The following UNCX variants were observed in gnomAD, a reference collection of about 807,000 sequenced individuals.
UNCX encodes the protein homeobox protein unc-4 homolog.
UNCX carries 4 observed loss-of-function variants against 14.8 expected under a neutral mutation model. That is an observed-to-expected ratio of 0.27 (90% CI 0.13 to 0.62). The LOEUF (loss-of-function observed/expected upper bound fraction) is 0.62, where lower values mean the gene tolerates loss of function less well. Among genes scored for constraint, UNCX ranks in the 20% least tolerant of loss-of-function variants. The pLI is 0.86. For missense variants in UNCX, 749 were observed against 786.8 expected (o/e 0.95, Z 0.58); for synonymous variants, 459 against 395.8 (o/e 1.16, Z -1.90).
chr7:1,233,206 C>A lies in UNCX; in HGVS notation c.189C>A (p.Ala63=). Residue 63 remains alanine, a synonymous_variant, in exon 1 of 3, where the codon GCC becomes GCA. Coordinates refer to ENST00000316333, the MANE Select transcript of UNCX (RefSeq NM_001080461.3). This position sits in a 1 kb window ranked among gnomAD's most constrained non-coding sequence, Gnocchi z 5.3. ...SIDGLLGGSC[A]AAASVVNPTP... Reference sequence around the variant, plus strand: ...ACGGCCTGCTCGGGGGCTCGTGCGCCGCCGCCGCCTCGGTGGTCAACCCCA... The same window carrying A: ...ACGGCCTGCTCGGGGGCTCGTGCGCAGCCGCCGCCTCGGTGGTCAACCCCA... 1 of 1,444,748 alleles carries A rather than the reference C, an allele frequency of 6.9e-7. No individual in the cohort carries two copies. Among genetic ancestry groups the A allele is most frequent in the Non-Finnish European group, 9.1e-7 (1 of 1,101,406 alleles). The allele number at this position is 1,444,748 out of a possible 1,614,324, so 89.5% of individuals were successfully genotyped here.
chr7:1,235,050 G>A (rs766355185), intron 2 of UNCX, among the ~76,000 whole-genome samples: 3 of 152,216 alleles, frequency 2.0e-5, no homozygotes, highest in Non-Finnish European at 2.9e-5. Context: ...TGGCTCCCCA[G>A]GACAAGGACT....
chr7:1,236,289 CG>C lies in UNCX; in HGVS notation c.910del (p.Asp304ThrfsTer69). The C allele has an allele frequency of 7.3e-7, 1 of 1,371,784 alleles. No homozygotes were observed. Among genetic ancestry groups the C allele is most frequent in the Non-Finnish European group, 9.5e-7 (1 of 1,057,040 alleles). The allele number at this position is 1,371,784 out of a possible 1,614,324, so 85.0% of individuals were successfully genotyped here. A position where few individuals can be genotyped will look rare whatever the true frequency, so the allele number is the denominator to read the frequency against. On this transcript the variant is annotated frameshift_variant, in exon 3 of 3. Coordinates refer to ENST00000316333, the MANE Select transcript of UNCX (RefSeq NM_001080461.3). LOFTEE classifies it low-confidence loss of function (END_TRUNC). The surrounding 1 kb of genome is among the most constrained non-coding windows in gnomAD (Gnocchi z 6.9). Reference sequence around the variant, plus strand: ...CCACAGCCGCGCCCAGGTCGCCCTGCGGACAAGGACGCGGCCTCGTGCGGGC... The same window carrying C: ...CCACAGCCGCGCCCAGGTCGCCCTGCGACAAGGACGCGGCCTCGTGCGGGC... ...AGPQPRPGRP[A>X]DKDAASCGPG...
At position 1,236,582 on chromosome 7, in the gene UNCX, G is replaced by T; in HGVS notation, c.1201G>T (p.Gly401Cys). The T allele has an allele frequency of 2.4e-6, 3 of 1,227,616 alleles. No homozygotes were observed. The highest frequency in any genetic ancestry group is 2.0e-6 in the Non-Finnish European group (2 of 979,804). 76.0% of individuals were successfully genotyped at this position (1,227,616 alleles called of 1,614,324 possible). The change falls in exon 3 of 3, where the codon GGC (glycine) becomes TGC (cysteine). Residue 401 changes from glycine (G) to cysteine (C), a missense_variant. Physicochemically the swap from Gly to Cys is radical, Grantham distance 159 (BLOSUM62 -3). Around this residue, in one of 3 missense-constraint regions of UNCX, gnomAD observed 552 missense variants for 507.2 expected, o/e 1.09. Coordinates refer to ENST00000316333, the MANE Select transcript of UNCX (RefSeq NM_001080461.3). This position sits in a 1 kb window ranked among gnomAD's most constrained non-coding sequence, Gnocchi z 6.9. ...VPQAALKGGA[G>C]LEPAPKDAPP... ...GCAGGCCGCGCTCAAGGGCGGCGCGGGCCTGGAGCCGGCGCCCAAGGACGC... is the reference window on the plus strand; with the variant it reads ...GCAGGCCGCGCTCAAGGGCGGCGCGTGCCTGGAGCCGGCGCCCAAGGACGC...
rs1251384114 is a variant in UNCX, at chr7:1,233,010, C to G, written c.-8C>G. ...CCCGCCACCGGCCCCGCCGGCCCCCCGCGCGAGATGATGGACGGCCGCCTC... is the reference window on the plus strand; with the variant it reads ...CCCGCCACCGGCCCCGCCGGCCCCCGGCGCGAGATGATGGACGGCCGCCTC... On this transcript the variant is annotated 5_prime_UTR_variant, in exon 1 of 3. Coordinates refer to ENST00000316333, the MANE Select transcript of UNCX (RefSeq NM_001080461.3). The surrounding 1 kb of genome is among the most constrained non-coding windows in gnomAD (Gnocchi z 5.3). 2 of 1,217,586 alleles carry G rather than the reference C, an allele frequency of 1.6e-6. No homozygotes were observed. Among genetic ancestry groups the G allele is most frequent in the Non-Finnish European group, 2.0e-6 (2 of 977,064 alleles). 75.4% of individuals were successfully genotyped at this position (1,217,586 alleles called of 1,614,324 possible). A position where few individuals can be genotyped will look rare whatever the true frequency, so the allele number is the denominator to read the frequency against.
In UNCX at chr7:1,235,928, A is replaced by G; in HGVS notation, c.547A>G (p.Ser183Gly). Residue 183 changes from serine to glycine, a missense_variant, in exon 3 of 3, where the codon AGC becomes GGC. By Grantham distance (56) the Ser-to-Gly change is moderately conservative. This residue lies in a region of UNCX where 42 missense variants were observed against 112.9 expected (regional missense o/e 0.37). Coordinates refer to ENST00000316333, the MANE Select transcript of UNCX (RefSeq NM_001080461.3). Reference protein sequence around the residue: ...PAHNSHPTTCSGEPMDPEEIA... With the variant: ...PAHNSHPTTCGGEPMDPEEIA... ...GCACAACTCGCACCCGACCACGTGC[A>G]GCGGCGAGCCCATGGACCCGGAGGA... 1.2e-6 allele frequency: 2 copies of G among 1,612,676 alleles called. No homozygotes were observed. Among genetic ancestry groups the G allele is most frequent in the Non-Finnish European group, 1.7e-6 (2 of 1,179,730 alleles).
At position 1,236,443 on chromosome 7, in the gene UNCX, C is replaced by T. The variant is rs1397030614; in HGVS notation, c.1062C>T (p.Ala354=). 2.2e-6 allele frequency: 3 copies of T among 1,367,220 alleles called. No individual in the cohort carries two copies. Among genetic ancestry groups the T allele is most frequent in the East Asian group, 3.5e-5 (1 of 28,822 alleles). The allele number at this position is 1,367,220 out of a possible 1,614,324, so 84.7% of individuals were successfully genotyped here. ...RRKAASNAAA[A]AAAGLDFAPG... ...AAGCCGCTTCCAACGCCGCCGCCGC[C>T]GCCGCCGCGGGGCTGGACTTCGCGC... is the stretch of plus-strand genomic sequence containing the variant. The change falls in exon 3 of 3, where the codon GCC becomes GCT. Residue 354 remains alanine (A), a synonymous_variant. Transcript: ENST00000316333. This position sits in a 1 kb window ranked among gnomAD's most constrained non-coding sequence, Gnocchi z 6.9.
In UNCX at chr7:1,236,930, G is replaced by A; in HGVS notation, c.1549G>A (p.Ala517Thr). The change falls in exon 3 of 3, where the codon GCG becomes ACG. Residue 517 changes from alanine to threonine, a missense_variant. By Grantham distance (58) the Ala-to-Thr change is moderately conservative. Coordinates refer to ENST00000316333, the MANE Select transcript of UNCX (RefSeq NM_001080461.3). The surrounding 1 kb of genome is among the most constrained non-coding windows in gnomAD (Gnocchi z 6.9). ...ATCGVPEPGA[A>T]AGPSPPEGEE... is the part of the protein sequence containing the mutation. ...CTGCGGGGTTCCCGAGCCTGGCGCG[G>A]CGGCCGGACCCAGCCCGCCGGAGGG... is the stretch of plus-strand genomic sequence containing the variant. The A allele has an allele frequency of 8.4e-7, 1 of 1,193,582 alleles. No individual in the cohort carries two copies. The highest frequency in any genetic ancestry group is 1.0e-6 in the Non-Finnish European group (1 of 963,150). The allele number at this position is 1,193,582 out of a possible 1,614,324, so 73.9% of individuals were successfully genotyped here.
rs1269198981 is a variant in UNCX at position 1,233,465 on chromosome 7, G to C, written c.275-55G>C. 8.1e-6 allele frequency: 12 copies of C among 1,473,696 alleles called. No individual in the cohort carries two copies. Among genetic ancestry groups the C allele is most frequent in the Non-Finnish European group, 9.9e-6 (11 of 1,114,470 alleles). 91.3% of individuals were successfully genotyped at this position (1,473,696 alleles called of 1,614,324 possible). On this transcript the variant is annotated intron_variant, in intron 1 of 2. Coordinates refer to ENST00000316333, the MANE Select transcript of UNCX (RefSeq NM_001080461.3). The surrounding 1 kb of genome is among the most constrained non-coding windows in gnomAD (Gnocchi z 5.3). ...CAGCGGGTAGCGGGAGGGAGGGGTGGGGGTCGGGCCTGGGCCGGTGGCTGA... is the reference window on the plus strand; with the variant it reads ...CAGCGGGTAGCGGGAGGGAGGGGTGCGGGTCGGGCCTGGGCCGGTGGCTGA...
chr7:1,233,754 G>C lies in UNCX; in HGVS notation c.450+59G>C. On this transcript the variant is annotated intron_variant, in intron 2 of 2. Transcript: ENST00000316333. This position sits in a 1 kb window ranked among gnomAD's most constrained non-coding sequence, Gnocchi z 5.3. ...CCGGACCCCAGGCTCTGGGCGCGCCGGGACGCCTTTGTTCCAGGTGGCGAG... is the reference window on the plus strand; with the variant it reads ...CCGGACCCCAGGCTCTGGGCGCGCCCGGACGCCTTTGTTCCAGGTGGCGAG... The C allele has an allele frequency of 6.5e-7, 1 of 1,545,884 alleles. No individual in the cohort carries two copies. Among genetic ancestry groups the C allele is most frequent in the Non-Finnish European group, 8.7e-7 (1 of 1,143,548 alleles).
In UNCX at chr7:1,233,424, C is replaced by CCA. The variant is rs1554251748; in HGVS notation, c.275-95_275-94insAC. 17 of 1,382,848 alleles carry CCA rather than the reference C, an allele frequency of 1.2e-5. No individual in the cohort carries two copies. Among genetic ancestry groups the CCA allele is most frequent in the Non-Finnish European group, 1.4e-5 (15 of 1,072,304 alleles). 85.7% of individuals were successfully genotyped at this position (1,382,848 alleles called of 1,614,324 possible). ...AGGCGGCCGTCTCTGCGCCCCCCCC[C>CCA]CCGGATCCAGGCGGCCAGCGGGTAG... On this transcript the variant is annotated intron_variant, in intron 1 of 2. Transcript: ENST00000316333. The surrounding 1 kb of genome is among the most constrained non-coding windows in gnomAD (Gnocchi z 5.3).
Position 1,233,340 on chromosome 7 carries a change from G to T in UNCX, c.274+49G>T. On this transcript the variant is annotated intron_variant, in intron 1 of 2. Coordinates refer to ENST00000316333, the MANE Select transcript of UNCX (RefSeq NM_001080461.3). This position sits in a 1 kb window ranked among gnomAD's most constrained non-coding sequence, Gnocchi z 5.3. ...GGGGAGGAGTGCGGCTGGGGGCGGG[G>T]GCCCTGGTCCGGCCGAGGCGCTGGG... is the stretch of plus-strand genomic sequence containing the variant. 7 of 1,322,966 alleles carry T rather than the reference G, an allele frequency of 5.3e-6. No homozygotes were observed. Among genetic ancestry groups the T allele is most frequent in the Non-Finnish European group, 6.7e-6 (7 of 1,043,142 alleles). The allele number at this position is 1,322,966 out of a possible 1,614,324, so 82.0% of individuals were successfully genotyped here.
Position 1,236,560 on chromosome 7 carries a change from G to A in UNCX, c.1179G>A (p.Gln393=), listed in dbSNP as rs1207434771. 7.4e-7 allele frequency: 1 copy of A among 1,360,362 alleles called. No homozygotes were observed. The highest frequency in any genetic ancestry group is 9.6e-7 in the Non-Finnish European group (1 of 1,046,372). The allele number at this position is 1,360,362 out of a possible 1,614,324, so 84.3% of individuals were successfully genotyped here. A position where few individuals can be genotyped will look rare whatever the true frequency, so the allele number is the denominator to read the frequency against. Residue 393 remains glutamine (Q), a synonymous_variant, in exon 3 of 3, where the codon CAG becomes CAA. Transcript: ENST00000316333. The surrounding 1 kb of genome is among the most constrained non-coding windows in gnomAD (Gnocchi z 6.9). ...ITQPLGFLVP[Q]AALKGGAGLE... ...AGCCGCTCGGCTTCCTGGTGCCGCA[G>A]GCCGCGCTCAAGGGCGGCGCGGGCC... is the stretch of plus-strand genomic sequence containing the variant.
chr7:1,236,257 C>T lies in UNCX; in HGVS notation c.876C>T (p.Gly292=), dbSNP rs1181344358. 1 of 1,377,500 alleles carries T rather than the reference C, an allele frequency of 7.3e-7. No homozygotes were observed. Among genetic ancestry groups the T allele is most frequent in the Non-Finnish European group, 9.5e-7 (1 of 1,058,054 alleles). 85.3% of individuals were successfully genotyped at this position (1,377,500 alleles called of 1,614,324 possible). The change falls in exon 3 of 3, where the codon GGC becomes GGT. Residue 292 remains glycine (G), a synonymous_variant. Coordinates refer to ENST00000316333, the MANE Select transcript of UNCX (RefSeq NM_001080461.3). This position sits in a 1 kb window ranked among gnomAD's most constrained non-coding sequence, Gnocchi z 6.9. The part of the protein sequence containing the change: ...DPAFYPSQRS[G]AGPQPRPGRP... The stretch of plus-strand genomic sequence containing the variant: ...CCTTCTACCCGAGCCAAAGAAGCGG[C>T]GCCGGCCCACAGCCGCGCCCAGGTC...
chr7:1,235,758 C>A, intron 2 of UNCX, 74 bp from the exon 3 acceptor site: 1 of 1,366,456 alleles, frequency 7.3e-7, no homozygotes, highest in Non-Finnish European at 1.0e-6. Flanking sequence ...CTGGGGGGAG[C>A]GGGGAGGTCC....
At position 1,236,341 on chromosome 7, in the gene UNCX, G is replaced by A; in HGVS notation, c.960G>A (p.Glu320=). The change falls in exon 3 of 3, where the codon GAG becomes GAA. Residue 320 remains glutamate, a synonymous_variant. Coordinates refer to ENST00000316333, the MANE Select transcript of UNCX (RefSeq NM_001080461.3). This position sits in a 1 kb window ranked among gnomAD's most constrained non-coding sequence, Gnocchi z 6.9. ...CGPGAAVAAV[E]RGAAGLPKAS... ...CAGGGGCCGCTGTGGCGGCGGTGGA[G>A]CGCGGCGCCGCGGGGCTGCCCAAGG... 7.7e-7 allele frequency: 1 copy of A among 1,296,836 alleles called. No homozygotes were observed. Among genetic ancestry groups the A allele is most frequent in the Non-Finnish European group, 9.8e-7 (1 of 1,022,160 alleles). 80.3% of individuals were successfully genotyped at this position (1,296,836 alleles called of 1,614,324 possible).
At position 1,236,549 on chromosome 7, in the gene UNCX, C is replaced by T. The variant is rs767200322; in HGVS notation, c.1168C>T (p.Leu390=). Residue 390 remains leucine (L), a synonymous_variant, in exon 3 of 3, where the codon CTG becomes TTG. Transcript: ENST00000316333. The surrounding 1 kb of genome is among the most constrained non-coding windows in gnomAD (Gnocchi z 6.9). ...CCCCATCACGCAGCCGCTCGGCTTC[C>T]TGGTGCCGCAGGCCGCGCTCAAGGG... The part of the protein sequence containing the change: ...LYPITQPLGF[L]VPQAALKGGA... The T allele has an allele frequency of 2.7e-5, 37 of 1,372,826 alleles. No homozygotes were observed. In the South Asian group the frequency reaches 2.8e-4, roughly 10 times the overall value. 85.0% of individuals were successfully genotyped at this position (1,372,826 alleles called of 1,614,324 possible).
intron 2 of UNCX, among the ~76,000 whole-genome samples, chr7:1,234,836 A>G (rs1318957596): frequency 6.6e-6 from 1 of 150,522 alleles, no homozygotes; most frequent in Non-Finnish European, 1.5e-5. Flanking sequence ...AGACCTCCCC[A>G]TGGACAAGGC....
In UNCX at chr7:1,236,917, C is replaced by G; in HGVS notation, c.1536C>G (p.Pro512=). The G allele has an allele frequency of 8.5e-7, 1 of 1,181,132 alleles. No individual in the cohort carries two copies. The highest frequency in any genetic ancestry group is 1.0e-6 in the Non-Finnish European group (1 of 955,584). The allele number at this position is 1,181,132 out of a possible 1,614,324, so 73.2% of individuals were successfully genotyped here. A position where few individuals can be genotyped will look rare whatever the true frequency, so the allele number is the denominator to read the frequency against. ...AGGAGCCGGCCACCTGCGGGGTTCC[C>G]GAGCCTGGCGCGGCGGCCGGACCCA... is the stretch of plus-strand genomic sequence containing the variant. ...PAEEPATCGV[P]EPGAAAGPSP... The change falls in exon 3 of 3, where the codon CCC becomes CCG. Residue 512 remains proline, a synonymous_variant. Transcript: ENST00000316333. This position sits in a 1 kb window ranked among gnomAD's most constrained non-coding sequence, Gnocchi z 6.9.
At chr7:1,235,709 C>T (rs982814040) in intron 2 of UNCX, 123 bp from the exon 3 acceptor site, 2 of 879,910 alleles carry the variant, frequency 2.3e-6, no homozygotes. Context: ...CGCGCGGCTT[C>T]ACTCCTGCCC....
Sources: gnomAD v4.1 joint callset for allele counts (sites outside exome capture counted in the v4.1 genomes callset) on GRCh38, gnomAD v4.1.1 for gene constraint, gnomAD v4.1.1 regional missense constraint, Gnocchi (gnomAD v3.1) non-coding constraint, MANE v1.5 for transcripts, NCBI Gene and HGNC (gene_info 2026-07-23, HGNC 2026-07-21) for gene names.